RAPGEF5: variants seen among roughly 807,000 people sequenced by gnomAD.
RAPGEF5 encodes the protein Rap guanine nucleotide exchange factor 5.
A neutral mutation model predicts 125.2 loss-of-function variants in RAPGEF5; 65 were observed. That is an observed-to-expected ratio of 0.52 (90% CI 0.43 to 0.64). RAPGEF5 has a LOEUF of 0.64. Ranked by LOEUF, RAPGEF5 falls within the 30% of genes least tolerant of loss-of-function variation. The probability of loss-of-function intolerance (pLI) is 0.00; values close to 1 mark genes in which losing one functional copy is unlikely to be tolerated. For synonymous variants in RAPGEF5, 391 were observed against 385.9 expected, an observed-to-expected ratio of 1.01 and a Z score of -0.16; for missense variants, 958 against 1,048.1, an observed-to-expected ratio of 0.91 and a Z score of 1.19.
rs1291240806 is a variant in RAPGEF5 at position 22,118,852 on chromosome 7, A to AAT, written c.*3552_*3553dup. ...TATATACAGCTTTGCTTTATACAGTAATACATTTGCATCTAACTTTTTGGC... is the reference window on the plus strand; with the variant it reads ...TATATACAGCTTTGCTTTATACAGTAATATACATTTGCATCTAACTTTTTGGC... On this transcript the variant is annotated 3_prime_UTR_variant, in exon 26 of 26. Transcript: ENST00000665637. 3 of 152,620 alleles carry AAT rather than the reference A, an allele frequency of 2.0e-5. No individual in the cohort carries two copies. The highest frequency in any genetic ancestry group is 4.4e-5 in the Non-Finnish European group (3 of 68,036). 9.5% of individuals were successfully genotyped at this position (152,620 alleles called of 1,614,324 possible).
intron 9 of RAPGEF5, among the ~76,000 whole-genome samples, chr7:22,204,010 C>T (rs1428946686): frequency 1.3e-5 from 2 of 152,220 alleles, no homozygotes; most frequent in Non-Finnish European, 2.9e-5. Context: ...GAAACCTACA[C>T]TAAATTATGA....
chr7:22,147,729 A>T (rs1783489953), intron 18 of RAPGEF5, among the ~76,000 whole-genome samples: 1 of 152,178 alleles, frequency 6.6e-6, no homozygotes, highest in Admixed American at 6.5e-5. Flanking sequence ...AGTTATTAAA[A>T]AGATTATTTG....
chr7:22,204,048 T>C (rs904347081), intron 9 of RAPGEF5, among the ~76,000 whole-genome samples: 1 of 152,208 alleles, frequency 6.6e-6, no homozygotes, highest in South Asian at 2.1e-4. Context: ...TGGTTGCAGA[T>C]ATATTTGTCC....
intron 1 of RAPGEF5, among the ~76,000 whole-genome samples, chr7:22,334,067 AACT>A (rs1783979881): frequency 6.6e-6 from 1 of 152,232 alleles, no homozygotes; most frequent in Non-Finnish European, 1.5e-5. Flanking sequence ...TGCTGAATAA[AACT>A]ACATTTCACC....
intron 1 of RAPGEF5, chr7:22,356,249 C>T: frequency 2.0e-6 from 2 of 985,432 alleles, no homozygotes; most frequent in Non-Finnish European, 2.4e-6. Context: ...GGCGTGCACC[C>T]TCCTGCTCAA....
At chr7:22,272,377 GA>G (rs896368443) in intron 6 of RAPGEF5, among the ~76,000 whole-genome samples, 1 of 96,176 alleles carries the variant, frequency 1.0e-5, no homozygotes, top group Non-Finnish European at 2.4e-5. Context: ...GGAAAAAAAA[GA>G]AAAAAAAATC....
At chr7:22,325,116 T>G (rs1783788233) in intron 1 of RAPGEF5, among the ~76,000 whole-genome samples, 1 of 152,190 alleles carries the variant, frequency 6.6e-6, no homozygotes, top group African/African-American at 2.4e-5. Flanking sequence ...AAACGCTGCA[T>G]GAAGTCCAAC....
chr7:22,241,336 T>C (rs1343624577), intron 7 of RAPGEF5, among the ~76,000 whole-genome samples: 1 of 151,956 alleles, frequency 6.6e-6, no homozygotes, highest in Middle Eastern at 3.2e-3. Context: ...CACCAAGAAT[T>C]CCCCAGGTGT....
chr7:22,191,604 T>C (rs1474741704), intron 11 of RAPGEF5: 5 of 470,998 alleles, frequency 1.1e-5, no homozygotes, highest in Non-Finnish European at 2.2e-5. Context: ...TGTGAGCACA[T>C]GGCAGAAGTG....
chr7:22,198,236 C>T (rs1009664576), intron 9 of RAPGEF5, among the ~76,000 whole-genome samples: 1 of 152,154 alleles, frequency 6.6e-6, no homozygotes, highest in African/African-American at 2.4e-5. Flanking sequence ...TGCTGAGAGG[C>T]GCTCTTCCTA....
intron 7 of RAPGEF5, among the ~76,000 whole-genome samples, chr7:22,257,648 G>C (rs1255834593): frequency 6.6e-6 from 1 of 152,156 alleles, no homozygotes; most frequent in South Asian, 2.1e-4. Flanking sequence ...GCCAACTCAA[G>C]CATTGAGAAT....
intron 21 of RAPGEF5, 98 bp downstream of exon 21, chr7:22,139,927 C>G (rs1783203862): frequency 9.1e-7 from 1 of 1,094,858 alleles, no homozygotes; most frequent in Admixed American, 2.4e-5. Context: ...ATATGACTTT[C>G]AAACATTTTT....
intron 1 of RAPGEF5, among the ~76,000 whole-genome samples, chr7:22,324,050 C>T (rs1175853942): frequency 6.6e-6 from 1 of 152,114 alleles, no homozygotes; most frequent in African/African-American, 2.4e-5. Flanking sequence ...CGCCGAAATA[C>T]TTAGTAAGTA....
intron 7 of RAPGEF5, among the ~76,000 whole-genome samples, chr7:22,246,495 T>C (rs1046240174): frequency 6.6e-6 from 1 of 152,174 alleles, no homozygotes; most frequent in African/African-American, 2.4e-5. Context: ...CCCTATTCAA[T>C]GAATGGTGCT....
Position 22,120,501 on chromosome 7 carries a change from G to A in RAPGEF5, c.*1905C>T, listed in dbSNP as rs1447278359. 2.0e-5 allele frequency: 3 copies of A among 152,624 alleles called. No homozygotes were observed. The highest frequency in any genetic ancestry group is 2.1e-4 in the South Asian group (1 of 4,820). 9.5% of individuals were successfully genotyped at this position (152,624 alleles called of 1,614,324 possible). On this transcript the variant is annotated 3_prime_UTR_variant, in exon 26 of 26. Transcript: ENST00000665637. This position sits in a 1 kb window ranked among gnomAD's most constrained non-coding sequence, Gnocchi z 4.0. ...TTACACTGGCCAAACCTTAGTCCAG[G>A]GCATAGGAAAAAGGTGAGAACACGT... is the stretch of plus-strand genomic sequence containing the variant.
At position 22,193,942 on chromosome 7, in the gene RAPGEF5, G is replaced by A. The variant is rs368400004; in HGVS notation, c.1088C>T (p.Thr363Ile). Residue 363 changes from threonine (T) to isoleucine (I), a missense_variant, in exon 10 of 26, where the codon ACA (threonine) becomes ATA (isoleucine). By Grantham distance (89) the Thr-to-Ile change is moderately conservative (BLOSUM62 -1). Coordinates refer to ENST00000665637, the MANE Select transcript of RAPGEF5 (RefSeq NM_012294.5). ...CCAATGGCTCTCCGCACTCCCAGCTGTGGGGGCTGGGCCACAGCACTGCAC... is the reference window on the plus strand; with the variant it reads ...CCAATGGCTCTCCGCACTCCCAGCTATGGGGGCTGGGCCACAGCACTGCAC... The part of the protein sequence containing the change: ...KKVQCCGPAP[T>I]AGSAESHWRY... The A allele has an allele frequency of 3.7e-6, 6 of 1,613,800 alleles. No individual in the cohort carries two copies. The African/African-American group carries it at 6.7e-5, about 18-fold the overall frequency.
At chr7:22,181,543 A>T (rs1230693782) in intron 11 of RAPGEF5, among the ~76,000 whole-genome samples, 1 of 152,204 alleles carries the variant, frequency 6.6e-6, no homozygotes, top group Non-Finnish European at 1.5e-5. Context: ...GCCAAGTCCA[A>T]GTCTGAAGCA....
At chr7:22,318,304 T>C (rs573803751) in intron 1 of RAPGEF5, among the ~76,000 whole-genome samples, 2 of 152,198 alleles carry the variant, frequency 1.3e-5, no homozygotes, top group Non-Finnish European at 2.9e-5. Context: ...TGGGATTTTC[T>C]TGGACCAGTC....
chr7:22,329,611 A>T (rs569307820), intron 1 of RAPGEF5, among the ~76,000 whole-genome samples: 1 of 152,236 alleles, frequency 6.6e-6, no homozygotes, highest in Non-Finnish European at 1.5e-5. Context: ...GTATAAGATC[A>T]ACAATACCCA....
Sources: gnomAD v4.1 joint callset for allele counts (sites outside exome capture counted in the v4.1 genomes callset) on GRCh38, gnomAD v4.1.1 for gene constraint, Gnocchi (gnomAD v3.1) non-coding constraint, MANE v1.5 for transcripts, NCBI Gene and HGNC (gene_info 2026-07-23, HGNC 2026-07-21) for gene names.